Variants in SDAD1 observed in about 807,000 individuals in gnomAD.
The protein encoded by SDAD1 is protein SDA1 homolog.
A neutral mutation model predicts 100.3 loss-of-function variants in SDAD1; 79 were observed. The ratio of observed to expected loss-of-function variants is 0.79; its 90% CI spans 0.66 to 0.95. The LOEUF (loss-of-function observed/expected upper bound fraction) is 0.95. Among genes scored for constraint, SDAD1 ranks in the 40% least tolerant of loss-of-function variants. SDAD1 has a pLI of 0.00. For synonymous variants in SDAD1, 267 were observed against 271.4 expected (o/e 0.98, Z 0.16); for missense variants, 790 against 810.9 (o/e 0.97, Z 0.31).
rs916355492 is a variant in SDAD1, at chr4:75,949,959, G to C, written c.*791C>G. 1 of 152,458 alleles carries C rather than the reference G, an allele frequency of 6.6e-6. No individual in the cohort carries two copies. Among genetic ancestry groups the C allele is most frequent in the Non-Finnish European group, 1.5e-5 (1 of 68,020 alleles). The allele number at this position is 152,458 out of a possible 1,614,324, so 9.4% of individuals were successfully genotyped here. A position where few individuals can be genotyped will look rare whatever the true frequency, so the allele number is the denominator to read the frequency against. On this transcript the variant is annotated 3_prime_UTR_variant, in exon 22 of 22. Transcript: ENST00000356260. ...TTTATTGAGACAAGGTAAACAGTGG[G>C]CTGAAAATATTACAGGCTGAAGGAA...
intron 1 of SDAD1, among the ~76,000 whole-genome samples, chr4:75,984,165 T>TAA (rs149376871): frequency 3.6e-5 from 5 of 139,010 alleles, no homozygotes; most frequent in East Asian, 2.1e-4. Context: ...TTTGGTACCT[T>TAA]AAAAAAAAAA....
intron 1 of SDAD1, among the ~76,000 whole-genome samples, chr4:75,982,708 A>T (rs1450904517): frequency 6.6e-6 from 1 of 152,180 alleles, no homozygotes; most frequent in African/African-American, 2.4e-5. Context: ...GAGCACTCAA[A>T]TCAGCAGAAA....
At chr4:75,955,786 C>T (rs901219838) in intron 21 of SDAD1, among the ~76,000 whole-genome samples, 189 bp downstream of exon 21, 4 of 152,080 alleles carry the variant, frequency 2.6e-5, no homozygotes, top group South Asian at 2.1e-4. Flanking sequence ...ACCCTGAATC[C>T]TTCTCACCTC....
chr4:75,984,692 CCA>C (rs1427356519), intron 1 of SDAD1, among the ~76,000 whole-genome samples: 4 of 151,718 alleles, frequency 2.6e-5, no homozygotes, highest in African/African-American at 4.8e-5. Flanking sequence ...GGCCTCAATT[CCA>C]CAGTTCCATG....
At chr4:75,962,630 T>C (rs766294341) in intron 14 of SDAD1, among the ~76,000 whole-genome samples, 1 of 152,262 alleles carries the variant, frequency 6.6e-6, no homozygotes, top group Non-Finnish European at 1.5e-5. Flanking sequence ...GGTTTTGATT[T>C]GCATTTCTCT....
chr4:75,978,982 G>GA (rs538009004), intron 3 of SDAD1, among the ~76,000 whole-genome samples: 2,052 of 38,030 alleles, frequency 0.054, 308 homozygotes, highest in Non-Finnish European at 0.075. Context: ...CCCTGTCTCA[G>GA]AAAAAAAAAA....
chr4:75,966,345 GT>G (rs1416876229), intron 12 of SDAD1, among the ~76,000 whole-genome samples: 1 of 149,836 alleles, frequency 6.7e-6, no homozygotes, highest in Non-Finnish European at 1.5e-5. Context: ...CATAGCATAG[GT>G]AACAAACAAG....
chr4:75,990,432 G>C (rs372756030), intron 1 of SDAD1, among the ~76,000 whole-genome samples: 277 of 152,300 alleles, frequency 1.8e-3, no homozygotes, highest in African/African-American at 6.3e-3. Context: ...CGTGGAAGTT[G>C]GTGGTTGGGT....
intron 1 of SDAD1, among the ~76,000 whole-genome samples, chr4:75,987,119 T>C (rs1730947116): frequency 1.3e-5 from 2 of 152,222 alleles, no homozygotes; most frequent in South Asian, 2.1e-4. Flanking sequence ...TGTTACCTAA[T>C]TGCCCTCCTT....
intron 3 of SDAD1, 83 bp downstream of exon 3, chr4:75,981,289 T>C: frequency 7.9e-7 from 1 of 1,260,020 alleles, no homozygotes; most frequent in Non-Finnish European, 1.1e-6. Flanking sequence ...GATAATTAGC[T>C]TAGAGGCTGT....
At position 75,965,687 on chromosome 4, in the gene SDAD1, C is replaced by T. The variant is rs554292150; in HGVS notation, c.1104+77G>A. On this transcript the variant is annotated intron_variant, in intron 13 of 21. Coordinates refer to ENST00000356260, the MANE Select transcript of SDAD1 (RefSeq NM_018115.4). ...GTTGAATTATCGGGGGCAGGTTCCC[C>T]CGATAGACCCTGAAGTACCTAACAG... 3 of 1,203,652 alleles carry T rather than the reference C, an allele frequency of 2.5e-6. No individual in the cohort carries two copies. The South Asian group carries it at 3.8e-5, about 15-fold the overall frequency. 74.6% of individuals were successfully genotyped at this position (1,203,652 alleles called of 1,614,324 possible).
At chr4:75,959,115 A>AAAAG in intron 17 of SDAD1, among the ~76,000 whole-genome samples, 1 of 137,946 alleles carries the variant, frequency 7.2e-6, no homozygotes, top group Non-Finnish European at 1.6e-5. Context: ...AAAAAAAAAA[A>AAAAG]AAAAAAAAAA....
At chr4:75,956,179 C>T in intron 20 of SDAD1, 43 bp from the exon 21 acceptor site, 2 of 1,558,696 alleles carry the variant, frequency 1.3e-6, no homozygotes, top group East Asian at 2.2e-5. Flanking sequence ...CAACAACATA[C>T]TTTAGGAGTC....
chr4:75,964,921 C>A (rs1251880130), intron 13 of SDAD1, among the ~76,000 whole-genome samples: 3 of 152,048 alleles, frequency 2.0e-5, no homozygotes, highest in African/African-American at 7.2e-5. Context: ...TGTATGTAGC[C>A]TCAGGACCCT....
rs553445179 is a variant in SDAD1 at position 75,966,855 on chromosome 4, C to T, written c.1045+422G>A. Among the ~76,000 whole-genome samples, 156 of 152,246 alleles carry T rather than the reference C, an allele frequency of 1.0e-3. 1 individual carries two copies. Among genetic ancestry groups the T allele is most frequent in the Middle Eastern group, 3.4e-3 (1 of 294 alleles). On this transcript the variant is annotated intron_variant, in intron 12 of 21. Coordinates refer to ENST00000356260, the MANE Select transcript of SDAD1 (RefSeq NM_018115.4). Reference sequence around the variant, plus strand: ...CACAATCTCGGCTCACAGCAACCTTCGCCTCCTGGGTTCAAGCGATTCTGT... The same window carrying T: ...CACAATCTCGGCTCACAGCAACCTTTGCCTCCTGGGTTCAAGCGATTCTGT...
At chr4:75,986,093 G>A (rs891644906) in intron 1 of SDAD1, among the ~76,000 whole-genome samples, 4 of 152,008 alleles carry the variant, frequency 2.6e-5, no homozygotes, top group Non-Finnish European at 4.4e-5. Flanking sequence ...GGAGAAAATC[G>A]GCTAATTGGT....
chr4:75,955,773 C>T (rs1458972609), intron 21 of SDAD1, among the ~76,000 whole-genome samples: 1 of 152,158 alleles, frequency 6.6e-6, no homozygotes, highest in Admixed American at 6.5e-5. Context: ...CTGGGATTTA[C>T]ATACCCTGAA....
At chr4:75,956,874 C>T (rs1259668569) in intron 20 of SDAD1, among the ~76,000 whole-genome samples, 2 of 152,222 alleles carry the variant, frequency 1.3e-5, no homozygotes, top group Non-Finnish European at 2.9e-5. Flanking sequence ...CTTTGGGAGG[C>T]TGAGGCGGGT....
Position 75,957,596 on chromosome 4 carries a change from A to T in SDAD1, c.1691T>A (p.Met564Lys). 3 of 1,614,056 alleles carry T rather than the reference A, an allele frequency of 1.9e-6. No homozygotes were observed. The highest frequency in any genetic ancestry group is 2.5e-6 in the Non-Finnish European group (3 of 1,180,028). Residue 564 changes from methionine to lysine, a missense_variant, in exon 19 of 22, where the codon ATG becomes AAG. Coordinates refer to ENST00000356260, the MANE Select transcript of SDAD1 (RefSeq NM_018115.4). ...EDFQKIRMAQMRKELDAAPGK... is the reference protein window; with the variant it reads ...EDFQKIRMAQKRKELDAAPGK... Reference sequence around the variant, plus strand: ...GGGGGCAGCATCAAGTTCTTTTCTCATTTGGGCCATGCGGATTTTCTGGAA... The same window carrying T: ...GGGGGCAGCATCAAGTTCTTTTCTCTTTTGGGCCATGCGGATTTTCTGGAA...
Sources: allele counts gnomAD v4.1 joint callset (sites outside exome capture counted in the v4.1 genomes callset), GRCh38; gene constraint gnomAD v4.1.1; transcripts MANE v1.5; gene names NCBI Gene and HGNC (gene_info 2026-07-23, HGNC 2026-07-21).